The following ZNF385B variants were observed in gnomAD, a reference collection of about 807,000 sequenced individuals.
ZNF385B encodes zinc finger protein 533.
Under a neutral mutation model 39.2 loss-of-function variants are expected in ZNF385B, and 23 were observed. That is an observed-to-expected ratio of 0.59 (90% CI 0.42 to 0.83). The LOEUF is 0.83. ZNF385B is among the 40% of genes least tolerant of loss of function. ZNF385B has a pLI of 0.00. For missense variants in ZNF385B, 552 were observed against 598.9 expected, an observed-to-expected ratio of 0.92 and a Z score of 0.82; for synonymous variants, 205 against 222.6, an observed-to-expected ratio of 0.92 and a Z score of 0.70.
intron 4 of ZNF385B, among the ~76,000 whole-genome samples, chr2:179,540,944 G>A (rs2059883798): frequency 6.6e-6 from 1 of 152,178 alleles, no homozygotes; most frequent in South Asian, 2.1e-4. Flanking sequence ...TGGTGAAAAT[G>A]AGCATTAGTG....
At chr2:179,456,225 G>T (rs1249077224) in intron 6 of ZNF385B, among the ~76,000 whole-genome samples, 1 of 152,070 alleles carries the variant, frequency 6.6e-6, no homozygotes, top group Non-Finnish European at 1.5e-5. Context: ...AAGAAAAATT[G>T]CTGGGACAAA....
At chr2:179,801,750 G>A (rs1706050379) in intron 1 of ZNF385B, among the ~76,000 whole-genome samples, 1 of 151,962 alleles carries the variant, frequency 6.6e-6, no homozygotes, top group Non-Finnish European at 1.5e-5. Context: ...ATTTTTCTGA[G>A]AGTGGTCTTC....
chr2:179,821,507 A>T (rs753976881), intron 1 of ZNF385B, among the ~76,000 whole-genome samples: 2 of 152,136 alleles, frequency 1.3e-5, no homozygotes, highest in Non-Finnish European at 2.9e-5. Context: ...AAAGCCATAA[A>T]TAAAACTAAA....
At chr2:179,660,861 A>G (rs1355348149) in intron 3 of ZNF385B, among the ~76,000 whole-genome samples, 1 of 152,204 alleles carries the variant, frequency 6.6e-6, no homozygotes, top group African/African-American at 2.4e-5. Flanking sequence ...TTCTGAGACT[A>G]TGTTTTCTAA....
At chr2:179,809,321 CTCTT>C (rs1706590461) in intron 1 of ZNF385B, among the ~76,000 whole-genome samples, 1 of 152,190 alleles carries the variant, frequency 6.6e-6, no homozygotes, top group Non-Finnish European at 1.5e-5. Context: ...AAAACTCTCT[CTCTT>C]CTATCTTTGT....
chr2:179,710,103 G>A (rs928979276), intron 3 of ZNF385B, among the ~76,000 whole-genome samples: 2 of 152,102 alleles, frequency 1.3e-5, no homozygotes, highest in Non-Finnish European at 2.9e-5. Context: ...TTGATGCAAC[G>A]ACTCCGGAGA....
chr2:179,656,987 G>A (rs1226620923), intron 3 of ZNF385B, among the ~76,000 whole-genome samples: 2 of 151,980 alleles, frequency 1.3e-5, no homozygotes, highest in Non-Finnish European at 2.9e-5. Context: ...CAAATATATA[G>A]AAAACGTTGA....
chr2:179,505,659 A>T (rs1165810307), intron 5 of ZNF385B, among the ~76,000 whole-genome samples: 1 of 152,124 alleles, frequency 6.6e-6, no homozygotes, highest in East Asian at 1.9e-4. Flanking sequence ...CTATTTGGTG[A>T]TTATAAGTTA....
At chr2:179,695,289 T>G (rs1453803053) in intron 3 of ZNF385B, among the ~76,000 whole-genome samples, 2 of 152,100 alleles carry the variant, frequency 1.3e-5, no homozygotes, top group Non-Finnish European at 2.9e-5. Flanking sequence ...AAAGGATTTT[T>G]AGATATGATA....
intron 3 of ZNF385B, among the ~76,000 whole-genome samples, chr2:179,710,001 A>T (rs1699886560): frequency 6.6e-6 from 1 of 152,226 alleles, no homozygotes; most frequent in Non-Finnish European, 1.5e-5. Context: ...CACAAAGTGC[A>T]GGAATGGATG....
chr2:179,451,486 A>C (rs1192848835), intron 6 of ZNF385B, among the ~76,000 whole-genome samples: 5 of 152,118 alleles, frequency 3.3e-5, no homozygotes, highest in African/African-American at 9.7e-5. Flanking sequence ...TACTAAGGGC[A>C]GACACTTTCC....
rs1229139984 is a variant in ZNF385B, at chr2:179,544,849, C to A, written c.419G>T (p.Gly140Val). ...CACTGTGTTAAAATTTGGAAAGAGC[C>A]CAACAGCAGAACTACTGTCCACTGG... is the stretch of plus-strand genomic sequence containing the variant. ...SFPVDSSSAV[G>V]LFPNFNTMDP... is the part of the protein sequence containing the mutation. Residue 140 changes from glycine (G) to valine (V), a missense_variant, in exon 4 of 10, where the codon GGG becomes GTG. Coordinates refer to ENST00000410066, the MANE Select transcript of ZNF385B (RefSeq NM_152520.6). The A allele has an allele frequency of 1.2e-6, 2 of 1,613,952 alleles. No homozygotes were observed. The highest frequency in any genetic ancestry group is 4.5e-5 in the East Asian group (2 of 44,868).
chr2:179,829,998 A>C (rs1406251750), intron 1 of ZNF385B, among the ~76,000 whole-genome samples: 2 of 152,236 alleles, frequency 1.3e-5, no homozygotes, highest in Non-Finnish European at 2.9e-5. Flanking sequence ...CTTGTATCCA[A>C]AATATAAAAA....
intron 3 of ZNF385B, among the ~76,000 whole-genome samples, chr2:179,602,371 T>G (rs1402441700): frequency 6.6e-6 from 1 of 152,170 alleles, no homozygotes; most frequent in African/African-American, 2.4e-5. Context: ...AATTTTTGTA[T>G]TTTTAGTAGA....
chr2:179,568,314 T>C (rs1347299742), intron 3 of ZNF385B, among the ~76,000 whole-genome samples: 1 of 152,222 alleles, frequency 6.6e-6, no homozygotes, highest in Admixed American at 6.5e-5. Flanking sequence ...GGCACTTACT[T>C]GTCTCTAAAA....
chr2:179,544,326 A>C (rs1279631608), intron 4 of ZNF385B, among the ~76,000 whole-genome samples: 1 of 152,176 alleles, frequency 6.6e-6, no homozygotes, highest in Non-Finnish European at 1.5e-5. Context: ...CTTTTTCTTA[A>C]TAGAGTCAAA....
At chr2:179,724,953 G>C (rs1700912321) in intron 3 of ZNF385B, among the ~76,000 whole-genome samples, 1 of 152,088 alleles carries the variant, frequency 6.6e-6, no homozygotes, top group South Asian at 2.1e-4. Flanking sequence ...TATTTTGAAA[G>C]TAAATTCTAA....
intron 1 of ZNF385B, among the ~76,000 whole-genome samples, chr2:179,827,494 CTG>C (rs895867289): frequency 6.6e-6 from 1 of 152,036 alleles, no homozygotes; most frequent in Non-Finnish European, 1.5e-5. Flanking sequence ...AGTGGGAAAT[CTG>C]TGTTTTATAT....
intron 3 of ZNF385B, among the ~76,000 whole-genome samples, chr2:179,618,012 T>C (rs150509158): frequency 6.6e-6 from 1 of 152,160 alleles, no homozygotes; most frequent in African/African-American, 2.4e-5. Flanking sequence ...TTATTACTCA[T>C]GTCTGCCAAT....
Sources: gnomAD v4.1 joint callset for allele counts (sites outside exome capture counted in the v4.1 genomes callset) on GRCh38, gnomAD v4.1.1 for gene constraint, MANE v1.5 for transcripts, NCBI Gene and HGNC (gene_info 2026-07-23, HGNC 2026-07-21) for gene names.